The following TENT2 variants were observed in gnomAD, a reference collection of about 807,000 sequenced individuals.
The protein encoded by TENT2 is terminal nucleotidyltransferase 2.
Under a neutral mutation model 72.2 loss-of-function variants are expected in TENT2, and 44 were observed. The ratio of observed to expected loss-of-function variants is 0.61; its 90% CI spans 0.48 to 0.78. TENT2 has a LOEUF of 0.78. TENT2 is among the 30% of genes least tolerant of loss of function. The pLI is 0.00. For synonymous variants in TENT2, 212 were observed against 192.5 expected, an observed-to-expected ratio of 1.10 and a Z score of -0.84; for missense variants, 541 against 569.6, an observed-to-expected ratio of 0.95 and a Z score of 0.51.
chr5:79,672,104 A>C (rs1813387516), intron 12 of TENT2, among the ~76,000 whole-genome samples: 2 of 150,712 alleles, frequency 1.3e-5, no homozygotes, highest in South Asian at 4.2e-4. Flanking sequence ...CCCTGTCTCA[A>C]AAAAAAAAAC....
At chr5:79,659,528 T>C (rs1429036855) in intron 11 of TENT2, among the ~76,000 whole-genome samples, 1 of 45,846 alleles carries the variant, frequency 2.2e-5, no homozygotes, top group African/African-American at 1.8e-4. Context: ...CGAGACTCTG[T>C]CTCAAAAAAA....
At chr5:79,666,348 A>G (rs188420562) in intron 11 of TENT2, among the ~76,000 whole-genome samples, 7 of 151,380 alleles carry the variant, frequency 4.6e-5, no homozygotes, top group Non-Finnish European at 8.8e-5. Flanking sequence ...GTGAATGATC[A>G]TTAAAAACTG....
chr5:79,635,446 A>G (rs1293111053), intron 4 of TENT2, among the ~76,000 whole-genome samples: 3 of 82 alleles, frequency 0.037, no homozygotes, highest in African/African-American at 0.056. Flanking sequence ...ATGGAATTTC[A>G]TATTTTCCAG....
chr5:79,679,696 A>G lies in TENT2; in HGVS notation c.1300+26A>G, dbSNP rs1293669376. 2.2e-6 allele frequency: 3 copies of G among 1,354,016 alleles called. No homozygotes were observed. The East Asian group carries it at 7.1e-5, about 32-fold the overall frequency. The allele number at this position is 1,354,016 out of a possible 1,614,324, so 83.9% of individuals were successfully genotyped here. A position where few individuals can be genotyped will look rare whatever the true frequency, so the allele number is the denominator to read the frequency against. On this transcript the variant is annotated intron_variant, in intron 13 of 14. Transcript: ENST00000453514. Reference sequence around the variant, plus strand: ...GTAGTTTTCTGTTTACCATCTACGTATCATCATGGTACTAAGAGAATTACT... The same window carrying G: ...GTAGTTTTCTGTTTACCATCTACGTGTCATCATGGTACTAAGAGAATTACT...
rs200818846 is a variant in TENT2, at chr5:79,645,208, G to A, written c.821+16G>A. The stretch of plus-strand genomic sequence containing the variant: ...ATAAAGTCAGGTAAATAATTAATGA[G>A]CTTTCTTTTTTTAGTTCCTTTAGAT... On this transcript the variant is annotated intron_variant, in intron 8 of 14. Coordinates refer to ENST00000453514, the MANE Select transcript of TENT2 (RefSeq NM_001114394.3). 8.2e-5 allele frequency: 130 copies of A among 1,591,188 alleles called. 1 individual carries two copies. The South Asian group carries it at 1.4e-3, about 17-fold the overall frequency.
At chr5:79,615,696 ATTTTTCT>A (rs989634170) in intron 1 of TENT2, among the ~76,000 whole-genome samples, 27 of 147,260 alleles carry the variant, frequency 1.8e-4, no homozygotes, top group African/African-American at 6.3e-4. Context: ...GCAATCCAAG[ATTTTTCT>A]TTTTTCTTTT....
At position 79,636,880 on chromosome 5, in the gene TENT2, A is replaced by G. The variant is rs935062742; in HGVS notation, c.466-3971A>G. Among the ~76,000 whole-genome samples the G allele has an allele frequency of 3.3e-5, 5 of 152,208 alleles. 1 individual carries two copies. In the South Asian group the frequency reaches 1.0e-3, roughly 32 times the overall value. ...GAAGTTCTTAAAAAGTAAATTTTTA[A>G]TTGTTTGTTGATAGTATGTATGCTT... is the stretch of plus-strand genomic sequence containing the variant. On this transcript the variant is annotated intron_variant, in intron 4 of 14. Coordinates refer to ENST00000453514, the MANE Select transcript of TENT2 (RefSeq NM_001114394.3).
At chr5:79,629,979 C>CA (rs959457644) in intron 4 of TENT2, among the ~76,000 whole-genome samples, 2 of 149,332 alleles carry the variant, frequency 1.3e-5, no homozygotes, top group Admixed American at 6.7e-5. Flanking sequence ...ACTAAAAATA[C>CA]AAAAAAATTA....
At chr5:79,634,221 G>A (rs1005531998) in intron 4 of TENT2, among the ~76,000 whole-genome samples, 1 of 151,144 alleles carries the variant, frequency 6.6e-6, no homozygotes, top group Admixed American at 6.6e-5. Flanking sequence ...GGCTTGTGTT[G>A]ACTTCAGACA....
At chr5:79,623,779 GA>G (rs368170393) in intron 4 of TENT2, 3,747 of 185,652 alleles carry the variant, frequency 0.02, 1 homozygote, top group Middle Eastern at 0.038. Flanking sequence ...TGTTTTTACT[GA>G]AAAAAAAAAA....
chr5:79,682,000 A>G lies in TENT2; in HGVS notation c.1319A>G (p.Asn440Ser). 6.2e-7 allele frequency: 1 copy of G among 1,613,330 alleles called. No individual in the cohort carries two copies. The highest frequency in any genetic ancestry group is 1.3e-5 in the African/African-American group (1 of 75,036). ...ATTGCAGAACCTTTTGATGGAACAA[A>G]TACAGCCAGAGCAGTGCACGAAAAG... ...ICVEEPFDGT[N>S]TARAVHEKQK... Residue 440 changes from asparagine (N) to serine (S), a missense_variant, in exon 14 of 15, where the codon AAT becomes AGT. Transcript: ENST00000453514.
In TENT2 at chr5:79,651,220, A is replaced by T. The variant is rs143891788; in HGVS notation, c.1027+2030A>T. 5.6e-3 allele frequency among the ~76,000 whole-genome samples: 855 copies of T among 152,106 alleles called. 12 individuals carry two copies. Among genetic ancestry groups the T allele is most frequent in the South Asian group, 0.033 (161 of 4,824 alleles). ...TGTTTAGCCAAATATAAATACATAA[A>T]TGTCAAGTTCAGGTCTTTTAATTCC... On this transcript the variant is annotated intron_variant, in intron 10 of 14. Transcript: ENST00000453514.
intron 12 of TENT2, among the ~76,000 whole-genome samples, chr5:79,677,005 A>G (rs1817796994): frequency 6.6e-6 from 1 of 152,216 alleles, no homozygotes; most frequent in South Asian, 2.1e-4. Flanking sequence ...TTGAGGCTGC[A>G]GTGAGCCATG....
intron 3 of TENT2, among the ~76,000 whole-genome samples, chr5:79,621,386 T>A (rs1764676871): frequency 6.6e-6 from 1 of 152,224 alleles, no homozygotes; most frequent in East Asian, 1.9e-4. Context: ...TTTATAATAA[T>A]TCTAATAGTA....
At chr5:79,655,756 T>G (rs898610741) in intron 10 of TENT2, among the ~76,000 whole-genome samples, 1 of 151,796 alleles carries the variant, frequency 6.6e-6, no homozygotes, top group Non-Finnish European at 1.5e-5. Context: ...GTTTTTTTTT[T>G]TTTTACTAAT....
intron 1 of TENT2, 26 bp from the exon 2 acceptor site, chr5:79,619,586 A>G: frequency 1.4e-6 from 2 of 1,477,998 alleles, no homozygotes; most frequent in South Asian, 2.7e-5. Flanking sequence ...ATGATAATTT[A>G]ATATTGTCTT....
intron 10 of TENT2, among the ~76,000 whole-genome samples, chr5:79,655,760 T>A (rs1262678929): frequency 1.3e-5 from 2 of 149,854 alleles, no homozygotes; most frequent in African/African-American, 5.0e-5. Flanking sequence ...TTTTTTTTTT[T>A]ACTAATATTC....
intron 10 of TENT2, among the ~76,000 whole-genome samples, chr5:79,653,075 G>T (rs1280157384): frequency 6.6e-6 from 1 of 152,074 alleles, no homozygotes; most frequent in Non-Finnish European, 1.5e-5. Flanking sequence ...CATAATATGT[G>T]CCCTACTCCT....
At chr5:79,651,991 G>A (rs1259834676) in intron 10 of TENT2, among the ~76,000 whole-genome samples, 8 of 151,962 alleles carry the variant, frequency 5.3e-5, no homozygotes, top group African/African-American at 1.7e-4. Context: ...TCTTAAATTG[G>A]CAGTTTTTAA....
Sources: gnomAD v4.1 joint callset for allele counts (sites outside exome capture counted in the v4.1 genomes callset) on GRCh38, gnomAD v4.1.1 for gene constraint, MANE v1.5 for transcripts, NCBI Gene and HGNC (gene_info 2026-07-23, HGNC 2026-07-21) for gene names.